PCDHA11: variants seen among roughly 807,000 people sequenced by gnomAD.
PCDHA11 encodes the protein protocadherin alpha 11.
In PCDHA11, 61 loss-of-function variants were observed where a neutral mutation model predicts 70.3. That is an observed-to-expected ratio of 0.87 (90% CI 0.71 to 1.07). The LOEUF (loss-of-function observed/expected upper bound fraction) is 1.07, where lower values mean the gene tolerates loss of function less well. Among genes scored for constraint, PCDHA11 ranks in the 50% least tolerant of loss-of-function variants. The probability of loss-of-function intolerance (pLI) is 0.00; values close to 1 mark genes in which losing one functional copy is unlikely to be tolerated. For missense variants in PCDHA11, 1,324 were observed against 1,237.5 expected (o/e 1.07, Z -1.05); for synonymous variants, 633 against 555.1 (o/e 1.14, Z -1.97).
At chr5:140,912,125 T>C (rs1197015933) in intron 1 of PCDHA11, among the ~76,000 whole-genome samples, 1 of 152,160 alleles carries the variant, frequency 6.6e-6, no homozygotes, top group East Asian at 1.9e-4. Flanking sequence ...GCTAAGTCAG[T>C]CTAATCTCTC....
intron 3 of PCDHA11, among the ~76,000 whole-genome samples, chr5:141,002,568 C>T (rs1554258737): frequency 6.6e-6 from 1 of 152,182 alleles, no homozygotes; most frequent in Admixed American, 6.5e-5. Context: ...AGTTAGTGAC[C>T]ATGTGACCAT....
At chr5:140,998,196 C>T (rs960565673) in intron 3 of PCDHA11, among the ~76,000 whole-genome samples, 2 of 152,164 alleles carry the variant, frequency 1.3e-5, no homozygotes, top group African/African-American at 4.8e-5. Flanking sequence ...CAAGTATTAA[C>T]TCCTTTAATC....
At chr5:140,967,996 C>T in intron 1 of PCDHA11, 2 of 1,614,214 alleles carry the variant, frequency 1.2e-6, no homozygotes, top group Non-Finnish European at 1.7e-6. Flanking sequence ...CACTGCCTTT[C>T]CGACTGAATG....
Position 140,965,562 on chromosome 5 carries a change from A to G in PCDHA11, c.2392-13387A>G, listed in dbSNP as rs548302746. 1.9e-4 allele frequency among the ~76,000 whole-genome samples: 29 copies of G among 152,242 alleles called. No homozygotes were observed. In the South Asian group the frequency reaches 6.0e-3, roughly 32 times the overall value. On this transcript the variant is annotated intron_variant, in intron 1 of 3. Coordinates refer to ENST00000398640, the MANE Select transcript of PCDHA11 (RefSeq NM_018902.5). ...AATTCCAGCCTGGCTTAGGAGATCA[A>G]CAGTAACGCTCTTGATTTAATGGTT...
At chr5:140,895,660 A>G (rs2065094898) in intron 1 of PCDHA11, among the ~76,000 whole-genome samples, 6 of 152,160 alleles carry the variant, frequency 3.9e-5, no homozygotes, top group Admixed American at 3.9e-4. Context: ...CTTATAAGTG[A>G]GAACATGTAG....
intron 1 of PCDHA11, 138 bp downstream of exon 1, chr5:140,871,632 T>G (rs1554165792): frequency 7.2e-7 from 1 of 1,380,660 alleles, no homozygotes; most frequent in Non-Finnish European, 9.6e-7. Context: ...ACAATGTCTG[T>G]TCATAAAATA....
At chr5:140,919,254 T>A (rs1554198989) in intron 1 of PCDHA11, among the ~76,000 whole-genome samples, 1 of 152,266 alleles carries the variant, frequency 6.6e-6, no homozygotes. Context: ...CTGTTTTGTC[T>A]GATATTAGTG....
intron 1 of PCDHA11, chr5:140,926,832 G>C: frequency 6.6e-7 from 1 of 1,505,338 alleles, no homozygotes; most frequent in Non-Finnish European, 8.9e-7. Context: ...GGAGTCCGGA[G>C]CATGGTCCTG....
At chr5:140,968,473 G>A in intron 1 of PCDHA11, 1 of 1,614,098 alleles carries the variant, frequency 6.2e-7, no homozygotes. Flanking sequence ...ACGTATATGT[G>A]GTGGACATGA....
rs781787163 is a variant in PCDHA11, at chr5:140,869,186, G to A, written c.83G>A (p.Ser28Asn). 7 of 1,614,006 alleles carry A rather than the reference G, an allele frequency of 4.3e-6. No individual in the cohort carries two copies. The South Asian group carries it at 4.4e-5, about 10-fold the overall frequency. ...CTCCTCGAATTCTGGGAGGTGGGGA[G>A]CGGCCAGCTCCACTACTCCGTCTCG... ...LLLLEFWEVG[S>N]GQLHYSVSEE... Residue 28 changes from serine (S) to asparagine (N), a missense_variant, in exon 1 of 4, where the codon AGC becomes AAC. Transcript: ENST00000398640.
At chr5:140,978,799 A>C (rs2096824173) in intron 1 of PCDHA11, 150 bp from the exon 2 acceptor site, 2 of 1,479,066 alleles carry the variant, frequency 1.4e-6, no homozygotes, top group East Asian at 4.9e-5. Flanking sequence ...ATATATGTAG[A>C]TATCATCATA....
chr5:140,883,533 A>T, intron 1 of PCDHA11: 2 of 1,614,190 alleles, frequency 1.2e-6, no homozygotes, highest in South Asian at 2.2e-5. Flanking sequence ...TCAGCCTATG[A>T]ACTGGTGGTG....
At chr5:140,954,781 T>A (rs1312700733) in intron 1 of PCDHA11, among the ~76,000 whole-genome samples, 1 of 152,208 alleles carries the variant, frequency 6.6e-6, no homozygotes, top group Non-Finnish European at 1.5e-5. Flanking sequence ...TTTAATTAGA[T>A]CTCATTTGTC....
At chr5:141,004,857 A>C (rs987029522) in intron 3 of PCDHA11, among the ~76,000 whole-genome samples, 2 of 152,150 alleles carry the variant, frequency 1.3e-5, no homozygotes, top group African/African-American at 4.8e-5. Context: ...TCAGAGAAAA[A>C]ATTTGTTTCT....
Position 140,869,303 on chromosome 5 carries a change from C to T in PCDHA11, c.200C>T (p.Ala67Val), listed in dbSNP as rs1403563775. The T allele has an allele frequency of 6.2e-7, 1 of 1,613,586 alleles. No individual in the cohort carries two copies. The highest frequency in any genetic ancestry group is 8.5e-7 in the Non-Finnish European group (1 of 1,179,978). The change falls in exon 1 of 4, where the codon GCG becomes GTG. Residue 67 changes from alanine to valine, a missense_variant. Coordinates refer to ENST00000398640, the MANE Select transcript of PCDHA11 (RefSeq NM_018902.5). ...CTGGTGCAGCGCCTGTTCCGGGTGGCGTCCAAAACACATGGGGACCTTCTG... is the reference window on the plus strand; with the variant it reads ...CTGGTGCAGCGCCTGTTCCGGGTGGTGTCCAAAACACATGGGGACCTTCTG... The part of the protein sequence containing the change: ...AELVQRLFRV[A>V]SKTHGDLLEV...
chr5:140,929,364 A>C (rs782443919), intron 1 of PCDHA11: 3 of 1,521,318 alleles, frequency 2.0e-6, no homozygotes, highest in Admixed American at 2.2e-5. Flanking sequence ...TTTGGCCCGG[A>C]GATGGCTGCT....
intron 1 of PCDHA11, among the ~76,000 whole-genome samples, chr5:140,873,864 T>C (rs1275090016): frequency 6.6e-6 from 1 of 152,210 alleles, no homozygotes; most frequent in African/African-American, 2.4e-5. Context: ...TTTCACCATG[T>C]TGGCCAGGCT....
At chr5:140,901,452 A>G (rs1352830826) in intron 1 of PCDHA11, among the ~76,000 whole-genome samples, 1 of 152,120 alleles carries the variant, frequency 6.6e-6, no homozygotes, top group African/African-American at 2.4e-5. Flanking sequence ...TTCCCAGCAC[A>G]GACTGTCTTT....
At chr5:140,935,840 G>T (rs155359) in intron 1 of PCDHA11, among the ~76,000 whole-genome samples, 87,412 of 151,068 alleles carry the variant, frequency 0.58, 26,203 homozygotes, top group African/African-American at 0.75. Context: ...ATTCCATACT[G>T]CTTAATGGTG....
Sources: gnomAD v4.1 joint callset for allele counts (sites outside exome capture counted in the v4.1 genomes callset) on GRCh38, gnomAD v4.1.1 for gene constraint, MANE v1.5 for transcripts, NCBI Gene and HGNC (gene_info 2026-07-23, HGNC 2026-07-21) for gene names.